PBRM1: variants seen among roughly 807,000 people sequenced by gnomAD.
The protein encoded by PBRM1 is polybromo 1.
PBRM1 carries 27 observed loss-of-function variants against 194.5 expected under a neutral mutation model. The ratio of observed to expected loss-of-function variants is 0.14; its 90% CI spans 0.10 to 0.19. The LOEUF (loss-of-function observed/expected upper bound fraction) is 0.19, where lower values mean the gene tolerates loss of function less well. Ranked by LOEUF, PBRM1 falls within the 10% of genes least tolerant of loss-of-function variation. The pLI is 1.00. For missense variants in PBRM1, 1,466 were observed against 2,077.2 expected (o/e 0.71, Z 5.72); for synonymous variants, 655 against 693.2 (o/e 0.94, Z 0.87).
intron 22 of PBRM1, among the ~76,000 whole-genome samples, chr3:52,573,905 T>C (rs1013521665): frequency 4.6e-5 from 7 of 152,282 alleles, no homozygotes; most frequent in African/African-American, 1.4e-4. Context: ...TGGTGTAAGA[T>C]TGTGGTGATA....
chr3:52,611,893 C>A (rs1055838260), intron 15 of PBRM1, among the ~76,000 whole-genome samples: 3 of 152,058 alleles, frequency 2.0e-5, no homozygotes, highest in Non-Finnish European at 4.4e-5. Flanking sequence ...AACTACAGCA[C>A]AAATCTAATT....
intron 11 of PBRM1, among the ~76,000 whole-genome samples, chr3:52,633,116 A>G (rs2095676645): frequency 6.6e-6 from 1 of 152,148 alleles, no homozygotes; most frequent in East Asian, 1.9e-4. Flanking sequence ...CTGACACTCT[A>G]TACCCATTAA....
intron 7 of PBRM1, among the ~76,000 whole-genome samples, chr3:52,644,990 A>G (rs947951463): frequency 2.8e-4 from 42 of 152,348 alleles, no homozygotes; most frequent in African/African-American, 9.1e-4. Context: ...CTAATTAAAT[A>G]TAAGTTAAAA....
At chr3:52,618,591 GTT>G (rs67103558) in intron 13 of PBRM1, among the ~76,000 whole-genome samples, 56 of 123,468 alleles carry the variant, frequency 4.5e-4, no homozygotes, top group Middle Eastern at 4.5e-3. Context: ...TTATGACTTA[GTT>G]TTTTTTTTTT....
chr3:52,624,940 T>C, intron 13 of PBRM1: 1 of 1,547,670 alleles, frequency 6.5e-7, no homozygotes, highest in East Asian at 2.4e-5. Context: ...TCATGAGTGT[T>C]CCTGGGAAAG....
chr3:52,549,440 C>T (rs1171089036), intron 29 of PBRM1, among the ~76,000 whole-genome samples: 6 of 152,234 alleles, frequency 3.9e-5, no homozygotes, highest in African/African-American at 1.4e-4. Context: ...TGGGAGCCAC[C>T]GTGCCTGGCC....
At chr3:52,633,840 A>C (rs78842975) in intron 11 of PBRM1, among the ~76,000 whole-genome samples, 5,991 of 152,048 alleles carry the variant, frequency 0.039, 176 homozygotes, top group Middle Eastern at 0.068. Context: ...ACCTTTGCCC[A>C]TTTCTGAATT....
chr3:52,628,081 T>C (rs923231441), intron 12 of PBRM1, among the ~76,000 whole-genome samples: 1 of 152,180 alleles, frequency 6.6e-6, no homozygotes, highest in African/African-American at 2.4e-5. Context: ...AACCATGACC[T>C]GAGACATCCT....
chr3:52,563,046 G>T (rs1459298261), intron 24 of PBRM1, among the ~76,000 whole-genome samples: 2 of 151,982 alleles, frequency 1.3e-5, no homozygotes, highest in East Asian at 1.9e-4. Flanking sequence ...AAATTTTAAA[G>T]ATATTAATTT....
intron 17 of PBRM1, among the ~76,000 whole-genome samples, chr3:52,591,150 C>T (rs878915892): frequency 6.6e-6 from 1 of 152,150 alleles, no homozygotes; most frequent in Non-Finnish European, 1.5e-5. Context: ...GCTGAAGGAG[C>T]TTTTGGGCTG....
chr3:52,682,742 T>C (rs928890325), upstream of PBRM1, among the ~76,000 whole-genome samples: 5 of 152,162 alleles, frequency 3.3e-5, no homozygotes, highest in Admixed American at 6.5e-5. Flanking sequence ...GATTAGTTGA[T>C]GTAACCTCTC....
chr3:52,628,563 C>T (rs1330568690), intron 12 of PBRM1, among the ~76,000 whole-genome samples: 1 of 151,780 alleles, frequency 6.6e-6, no homozygotes, highest in Non-Finnish European at 1.5e-5. Flanking sequence ...CTCCACTTCC[C>T]AGGCTTAAGC....
Position 52,623,625 on chromosome 3 carries a change from A to G in PBRM1, c.1541+3648T>C, listed in dbSNP as rs550641442. On this transcript the variant is annotated intron_variant, in intron 13 of 29. Transcript: ENST00000296302. ...CTACTTCAAGAAAATAAACAGCTAC[A>G]TTTACTGAGTACTCAGTGCATCCAG... Among the ~76,000 whole-genome samples, 10 of 152,348 alleles carry G rather than the reference A, an allele frequency of 6.6e-5. No individual in the cohort carries two copies. In the South Asian group the frequency reaches 1.9e-3, roughly 28 times the overall value.
At chr3:52,634,456 A>AG in intron 11 of PBRM1, 146 bp downstream of exon 12, 1 of 538,622 alleles carries the variant, frequency 1.9e-6, no homozygotes, top group Admixed American at 3.4e-5. Flanking sequence ...AAAAAAAAAA[A>AG]GGTAATGAAC....
chr3:52,564,362 T>C (rs1015431504), intron 22 of PBRM1, 129 bp from the exon 25 acceptor site: 7 of 708,320 alleles, frequency 9.9e-6, no homozygotes, highest in Non-Finnish European at 1.7e-5. Context: ...TGAAAGGGGC[T>C]AGGCATGGTG....
At chr3:52,546,131 A>G, downstream of PBRM1, 1 of 232,450 alleles carries the variant, frequency 4.3e-6, no homozygotes, top group Non-Finnish European at 8.5e-6. Flanking sequence ...CCCCAGTGAA[A>G]AATTTTTTTA....
At chr3:52,578,752 AG>A (rs1294082554) in intron 21 of PBRM1, among the ~76,000 whole-genome samples, 2 of 152,254 alleles carry the variant, frequency 1.3e-5, no homozygotes, top group Non-Finnish European at 2.9e-5. Flanking sequence ...CCCATTCTGC[AG>A]TGGACAGGAA....
chr3:52,684,774 T>A (rs2097283599), intron 1 of PBRM1: 1 of 152,232 alleles, frequency 6.6e-6, no homozygotes, highest in Non-Finnish European at 1.5e-5. Flanking sequence ...AGGTATTTTG[T>A]ACATTCCCAA....
Position 52,609,893 on chromosome 3 carries a change from T to C in PBRM1, c.1987A>G (p.Asn663Asp), listed in dbSNP as rs1412847071. Residue 663 changes from asparagine to aspartate, a missense_variant, in exon 16 of 30, where the codon AAT (asparagine) becomes GAT (aspartate). Physicochemically the swap from Asn to Asp is conservative, Grantham distance 23. Transcript: ENST00000296302. This position sits in a 1 kb window ranked among gnomAD's most constrained non-coding sequence, Gnocchi z 4.1. ...TTCTTTACAGCTTCATAGACCTCAT[T>C]TAGTTTCTGCTGCATTGGAGTCATG... The C allele has an allele frequency of 3.8e-6, 6 of 1,569,294 alleles. No individual in the cohort carries two copies. Among genetic ancestry groups the C allele is most frequent in the Non-Finnish European group, 5.2e-6 (6 of 1,158,914 alleles).
Sources: allele counts gnomAD v4.1 joint callset (sites outside exome capture counted in the v4.1 genomes callset), GRCh38; gene constraint gnomAD v4.1.1; non-coding constraint Gnocchi (gnomAD v3.1); transcripts MANE v1.5; gene names NCBI Gene and HGNC (gene_info 2026-07-23, HGNC 2026-07-21).